SHISA9: variants seen among roughly 807,000 people sequenced by gnomAD.
SHISA9 encodes the protein protein shisa-9.
Under a neutral mutation model 38.0 loss-of-function variants are expected in SHISA9, and 13 were observed. The observed-to-expected ratio is 0.34, with a 90% CI of 0.22 to 0.54. The LOEUF is 0.54. Among genes scored for constraint, SHISA9 ranks in the 20% least tolerant of loss-of-function variants. The pLI is 0.91. For missense variants in SHISA9, 538 were observed against 575.8 expected, an observed-to-expected ratio of 0.93 and a Z score of 0.67; for synonymous variants, 275 against 242.0, an observed-to-expected ratio of 1.14 and a Z score of -1.27.
At chr16:13,549,105 A>C in the SHISA9 span, among the ~76,000 whole-genome samples, 1 of 152,224 alleles carries the variant, frequency 6.6e-6, no homozygotes, top group Non-Finnish European at 1.5e-5. Flanking sequence ...AAGTGAAATA[A>C]GCCAGGCACA....
intron 2 of SHISA9, among the ~76,000 whole-genome samples, chr16:13,093,383 G>T (rs190657845): frequency 6.6e-6 from 1 of 152,306 alleles, no homozygotes; most frequent in East Asian, 1.9e-4. Context: ...TATAAAGTGG[G>T]ATTGATGATA....
chr16:13,260,343 G>A, the SHISA9 span, among the ~76,000 whole-genome samples: 3 of 152,054 alleles, frequency 2.0e-5, no homozygotes, highest in South Asian at 2.1e-4. Context: ...TGCATAGTCA[G>A]GCTGCAAATT....
intron 3 of SHISA9, among the ~76,000 whole-genome samples, chr16:13,208,038 T>C (rs566910175): frequency 6.6e-6 from 1 of 152,148 alleles, no homozygotes; most frequent in African/African-American, 2.4e-5. Flanking sequence ...CATCCAGAGC[T>C]CTGGGAAGAT....
At chr16:13,312,978 G>A in the SHISA9 span, among the ~76,000 whole-genome samples, 792 of 152,176 alleles carry the variant, frequency 5.2e-3, 1 homozygote, top group Non-Finnish European at 8.3e-3. Flanking sequence ...AACCCAGGCC[G>A]GGCGCGGTGG....
rs538797171 is a variant in SHISA9 at position 13,139,130 on chromosome 16, G to C, written c.692-64264G>C. Among the ~76,000 whole-genome samples the C allele has an allele frequency of 5.9e-5, 9 of 152,150 alleles. No homozygotes were observed. In the East Asian group the frequency reaches 1.7e-3, roughly 29 times the overall value. ...CTTTCTGACTGTTTTCTCATTGCAGGGTTGGGTTTTATTTGTAATTTGTTT... is the reference window on the plus strand; with the variant it reads ...CTTTCTGACTGTTTTCTCATTGCAGCGTTGGGTTTTATTTGTAATTTGTTT... On this transcript the variant is annotated intron_variant, in intron 2 of 4. Transcript: ENST00000558583.
At chr16:13,532,991 C>G in the SHISA9 span, among the ~76,000 whole-genome samples, 1 of 152,162 alleles carries the variant, frequency 6.6e-6, no homozygotes, top group Non-Finnish European at 1.5e-5. Flanking sequence ...TTACTTACCT[C>G]ATTACTCTGT....
the SHISA9 span, among the ~76,000 whole-genome samples, chr16:13,466,032 T>G: frequency 1.3e-5 from 2 of 152,354 alleles, no homozygotes; most frequent in South Asian, 4.1e-4. Context: ...TTTTTTGGCA[T>G]CAGCTTGAGT....
the SHISA9 span, among the ~76,000 whole-genome samples, chr16:13,382,042 T>A: frequency 6.6e-6 from 1 of 152,146 alleles, no homozygotes; most frequent in Admixed American, 6.5e-5. Flanking sequence ...TGAAAAAATT[T>A]TAAAGTTTGA....
chr16:13,483,649 T>C, the SHISA9 span, among the ~76,000 whole-genome samples: 1 of 152,048 alleles, frequency 6.6e-6, no homozygotes, highest in Non-Finnish European at 1.5e-5. Flanking sequence ...CCGGTCTTTC[T>C]GATTGTGGGT....
At chr16:13,102,809 G>T (rs1301904848) in intron 2 of SHISA9, among the ~76,000 whole-genome samples, 1 of 152,062 alleles carries the variant, frequency 6.6e-6, no homozygotes, top group Non-Finnish European at 1.5e-5. Flanking sequence ...CAATGTAGTC[G>T]CTGTTCCGGG....
the SHISA9 span, among the ~76,000 whole-genome samples, chr16:13,273,894 C>T: frequency 6.6e-6 from 1 of 152,134 alleles, no homozygotes. Context: ...TCGGAAATCA[C>T]TTTCCAATAG....
the SHISA9 span, among the ~76,000 whole-genome samples, chr16:13,527,590 G>A: frequency 6.6e-6 from 1 of 152,278 alleles, no homozygotes; most frequent in Admixed American, 6.5e-5. Flanking sequence ...AGTAAAGGAA[G>A]CTAGTCTGCA....
chr16:13,066,128 C>G (rs1212410786), intron 2 of SHISA9, among the ~76,000 whole-genome samples: 2 of 152,184 alleles, frequency 1.3e-5, no homozygotes, highest in East Asian at 3.9e-4. Flanking sequence ...TCTCCACATC[C>G]TTTTCCTCTT....
At chr16:13,244,575 C>G (rs1415708040), downstream of SHISA9, among the ~76,000 whole-genome samples, 1 of 152,132 alleles carries the variant, frequency 6.6e-6, no homozygotes, top group Admixed American at 6.5e-5. Flanking sequence ...ATAAAATACA[C>G]ATAGCATACT....
At chr16:13,081,719 G>T (rs1198043559) in intron 2 of SHISA9, among the ~76,000 whole-genome samples, 3 of 151,994 alleles carry the variant, frequency 2.0e-5, no homozygotes, top group Non-Finnish European at 4.4e-5. Flanking sequence ...TGGGCATGGT[G>T]GTGGGCACCT....
At chr16:13,059,121 C>CTTTTT (rs3075088) in intron 2 of SHISA9, among the ~76,000 whole-genome samples, 26 of 74,864 alleles carry the variant, frequency 3.5e-4, no homozygotes, top group Non-Finnish European at 4.1e-4. Context: ...AAAACTCTAT[C>CTTTTT]TTTTTTTTTT....
chr16:13,562,433 C>A, the SHISA9 span, among the ~76,000 whole-genome samples: 1 of 152,042 alleles, frequency 6.6e-6, no homozygotes, highest in South Asian at 2.1e-4. Context: ...AGCTCGAGAC[C>A]AGCCTGGCCA....
chr16:12,908,001 C>T (rs2071126013), intron 1 of SHISA9, among the ~76,000 whole-genome samples: 1 of 152,208 alleles, frequency 6.6e-6, no homozygotes, highest in Admixed American at 6.5e-5. Flanking sequence ...GATTCAATCT[C>T]AGCTCAGCCA....
intron 2 of SHISA9, among the ~76,000 whole-genome samples, chr16:13,043,168 G>C (rs1236304820): frequency 6.6e-6 from 1 of 152,192 alleles, no homozygotes; most frequent in Non-Finnish European, 1.5e-5. Context: ...ACATTGACCT[G>C]AGTGTCAACA....
Sources: gnomAD v4.1 joint callset for allele counts (sites outside exome capture counted in the v4.1 genomes callset) on GRCh38, gnomAD v4.1.1 for gene constraint, MANE v1.5 for transcripts, NCBI Gene and HGNC (gene_info 2026-07-23, HGNC 2026-07-21) for gene names.